Variants in RNF169 observed in about 807,000 individuals in gnomAD.
The protein encoded by RNF169 is E3 ubiquitin-protein ligase RNF169.
RNF169 carries 24 observed loss-of-function variants against 53.9 expected under a neutral mutation model. The observed-to-expected ratio is 0.45, with a 90% CI of 0.32 to 0.63. RNF169 has a LOEUF of 0.63. Among genes scored for constraint, RNF169 ranks in the 20% least tolerant of loss-of-function variants. RNF169 has a pLI of 0.04. For missense variants in RNF169, 883 were observed against 906.2 expected, an observed-to-expected ratio of 0.97 and a Z score of 0.33; for synonymous variants, 396 against 363.5, an observed-to-expected ratio of 1.09 and a Z score of -1.02.
At chr11:74,749,419 A>G in intron 1 of RNF169, 37 bp downstream of exon 1, 1 of 982,050 alleles carries the variant, frequency 1.0e-6, no homozygotes, top group Non-Finnish European at 1.3e-6. Flanking sequence ...GTCTGGAGCG[A>G]GGCCGAGCGC....
rs1413768958 is a variant in RNF169, at chr11:74,841,969, C to G, written c.*5239C>G. 1 of 151,750 alleles carries G rather than the reference C, an allele frequency of 6.6e-6. No homozygotes were observed. The highest frequency in any genetic ancestry group is 1.9e-4 in the East Asian group (1 of 5,190). The allele number at this position is 151,750 out of a possible 1,614,324, so 9.4% of individuals were successfully genotyped here. A position where few individuals can be genotyped will look rare whatever the true frequency, so the allele number is the denominator to read the frequency against. On this transcript the variant is annotated 3_prime_UTR_variant, in exon 6 of 6. Transcript: ENST00000299563. ...AAAAGTCCTAGTGAGAGAATAGATACTATGCAAGGGAAAAAAATTTAAATG... is the reference window on the plus strand; with the variant it reads ...AAAAGTCCTAGTGAGAGAATAGATAGTATGCAAGGGAAAAAAATTTAAATG...
intron 3 of RNF169, among the ~76,000 whole-genome samples, chr11:74,812,997 A>G (rs1009772812): frequency 1.3e-5 from 2 of 152,006 alleles, no homozygotes; most frequent in African/African-American, 4.8e-5. Flanking sequence ...TGCTCTTGCA[A>G]TTTTCATCTC....
chr11:74,757,718 T>C lies in RNF169; in HGVS notation c.502+8336T>C, dbSNP rs1276987530. 5.3e-5 allele frequency among the ~76,000 whole-genome samples: 5 copies of C among 93,836 alleles called. No homozygotes were observed. In the East Asian group the frequency reaches 2.2e-3, roughly 41 times the overall value. 61.6% of individuals were successfully genotyped at this position (93,836 alleles called of 152,430 possible). A position where few individuals can be genotyped will look rare whatever the true frequency, so the allele number is the denominator to read the frequency against. On this transcript the variant is annotated intron_variant, in intron 1 of 5. Coordinates refer to ENST00000299563, the MANE Select transcript of RNF169 (RefSeq NM_001098638.2). ...ACTGGTGTGAGATGATATCTCATAG[T>C]GGTTTTGATTTGCATTTCTCTGATG...
intron 4 of RNF169, among the ~76,000 whole-genome samples, chr11:74,822,099 C>G (rs1332737525): frequency 2.6e-5 from 4 of 151,034 alleles, no homozygotes; most frequent in Admixed American, 1.3e-4. Flanking sequence ...AGGCCAGAGA[C>G]TGGCAGGAGG....
chr11:74,825,918 G>T (rs899706003), intron 4 of RNF169, among the ~76,000 whole-genome samples: 4 of 152,252 alleles, frequency 2.6e-5, no homozygotes, highest in Non-Finnish European at 5.9e-5. Context: ...CCATGTGGCT[G>T]GGGGAGGCCT....
intron 3 of RNF169, among the ~76,000 whole-genome samples, chr11:74,815,682 C>T (rs1466873560): frequency 1.3e-5 from 2 of 152,010 alleles, no homozygotes; most frequent in Admixed American, 6.6e-5. Flanking sequence ...AGTTAATGTA[C>T]GCTAGGTATT....
chr11:74,772,934 A>T (rs1402543942), intron 1 of RNF169, among the ~76,000 whole-genome samples: 1 of 152,262 alleles, frequency 6.6e-6, no homozygotes, highest in East Asian at 1.9e-4. Flanking sequence ...CTAATAGTCC[A>T]TAGTATGTCA....
intron 2 of RNF169, among the ~76,000 whole-genome samples, chr11:74,804,690 A>G (rs1425439950): frequency 6.6e-6 from 1 of 152,180 alleles, no homozygotes; most frequent in Non-Finnish European, 1.5e-5. Context: ...TGTGAATAGA[A>G]ATATGCTGTA....
At position 74,823,872 on chromosome 11, in the gene RNF169, T is replaced by G. The variant is rs187300656; in HGVS notation, c.842+6158T>G. Among the ~76,000 whole-genome samples the G allele has an allele frequency of 1.9e-4, 29 of 152,176 alleles. No individual in the cohort carries two copies. The East Asian group carries it at 5.6e-3, about 29-fold the overall frequency. On this transcript the variant is annotated intron_variant, in intron 4 of 5. Coordinates refer to ENST00000299563, the MANE Select transcript of RNF169 (RefSeq NM_001098638.2). ...GCCACATATGACAAAAAATAGACTT[T>G]ATAAAATCAGTTCAAAAAAGTCACT...
Position 74,749,044 on chromosome 11 carries a change from T to TGCAGCCGCC in RNF169, c.167_175dup (p.Gln56_Pro58dup). 6.8e-7 allele frequency: 1 copy of TGCAGCCGCC among 1,468,730 alleles called. No individual in the cohort carries two copies. Among genetic ancestry groups the TGCAGCCGCC allele is most frequent in the South Asian group, 1.3e-5 (1 of 76,830 alleles). 91.0% of individuals were successfully genotyped at this position (1,468,730 alleles called of 1,614,324 possible). A position where few individuals can be genotyped will look rare whatever the true frequency, so the allele number is the denominator to read the frequency against. ...CTGTTGGTGTTGTCGCCGCCGTTGC[T>TGCAGCCGCC]GCAGCCGCCGCTGCCGCCGCGGCCG... On this transcript the variant is annotated inframe_insertion, in exon 1 of 6. Transcript: ENST00000299563.
chr11:74,785,186 GAT>G (rs1475323364), intron 1 of RNF169, among the ~76,000 whole-genome samples: 19 of 63,694 alleles, frequency 3.0e-4, no homozygotes, highest in African/African-American at 1.5e-3. Context: ...ATATATATAT[GAT>G]ATATATATGA....
intron 1 of RNF169, among the ~76,000 whole-genome samples, chr11:74,767,545 C>T (rs1004142155): frequency 1.4e-4 from 21 of 151,696 alleles, no homozygotes; most frequent in Non-Finnish European, 2.2e-4. Flanking sequence ...CGGGCCACCA[C>T]GTCTGGATAA....
chr11:74,810,145 T>A, intron 2 of RNF169, 39 bp from the exon 3 acceptor site: 1 of 1,554,648 alleles, frequency 6.4e-7, no homozygotes. Flanking sequence ...AGTTTAGAGT[T>A]GCCTAAAACT....
At chr11:74,829,031 G>C (rs1332650840) in intron 4 of RNF169, among the ~76,000 whole-genome samples, 1 of 152,152 alleles carries the variant, frequency 6.6e-6, no homozygotes, top group Non-Finnish European at 1.5e-5. Context: ...CACAGCAAAA[G>C]AAACTGTCAT....
intron 1 of RNF169, among the ~76,000 whole-genome samples, chr11:74,770,960 C>T (rs2035251116): frequency 6.6e-6 from 1 of 152,102 alleles, no homozygotes; most frequent in African/African-American, 2.4e-5. Context: ...CCAGTGCCCC[C>T]ATGTCTGGCT....
chr11:74,788,545 A>T (rs1047505720), intron 1 of RNF169, among the ~76,000 whole-genome samples: 5 of 152,016 alleles, frequency 3.3e-5, no homozygotes, highest in African/African-American at 1.2e-4. Flanking sequence ...GGTGCCCACC[A>T]CCACACCCAG....
At chr11:74,785,021 G>T (rs1333411958) in intron 1 of RNF169, among the ~76,000 whole-genome samples, 1 of 151,440 alleles carries the variant, frequency 6.6e-6, no homozygotes, top group African/African-American at 2.4e-5. Context: ...TTTATTATGG[G>T]GATTCTTCAT....
chr11:74,778,682 G>A (rs1036456272), intron 1 of RNF169, among the ~76,000 whole-genome samples: 1 of 152,152 alleles, frequency 6.6e-6, no homozygotes, highest in Non-Finnish European at 1.5e-5. Flanking sequence ...GTATTTTTAC[G>A]TAGCAGCCTT....
At chr11:74,761,688 G>T (rs1474401533) in intron 1 of RNF169, among the ~76,000 whole-genome samples, 9 of 152,190 alleles carry the variant, frequency 5.9e-5, no homozygotes, top group African/African-American at 2.2e-4. Flanking sequence ...TCCGCTGTTA[G>T]TCTGATGGGC....
Sources: allele counts gnomAD v4.1 joint callset (sites outside exome capture counted in the v4.1 genomes callset), GRCh38; gene constraint gnomAD v4.1.1; transcripts MANE v1.5; gene names NCBI Gene and HGNC (gene_info 2026-07-23, HGNC 2026-07-21).